Variants in ERBIN observed in about 807,000 individuals in gnomAD.
ERBIN encodes erbb2 interacting protein, also known as densin-180-like protein.
A neutral mutation model predicts 158.4 loss-of-function variants in ERBIN; 60 were observed. That is an observed-to-expected ratio of 0.38 (90% CI 0.31 to 0.47). The LOEUF (loss-of-function observed/expected upper bound fraction) is 0.47. Ranked by LOEUF, ERBIN falls within the 20% of genes least tolerant of loss-of-function variation. The pLI, the probability that ERBIN is intolerant of heterozygous loss-of-function variation, is 0.99. For synonymous variants in ERBIN, 594 were observed against 557.2 expected, an observed-to-expected ratio of 1.07 and a Z score of -0.93; for missense variants, 1,610 against 1,648.0, an observed-to-expected ratio of 0.98 and a Z score of 0.40.
chr5:65,989,453 A>G (rs1439426854), intron 2 of ERBIN, among the ~76,000 whole-genome samples: 3 of 152,286 alleles, frequency 2.0e-5, no homozygotes, highest in African/African-American at 7.2e-5. Flanking sequence ...ATTCACAGAA[A>G]GTTTTCCTTT....
intron 1 of ERBIN, among the ~76,000 whole-genome samples, chr5:65,938,900 C>A (rs1004719898): frequency 1.3e-5 from 2 of 152,022 alleles, no homozygotes; most frequent in African/African-American, 4.8e-5. Context: ...ACTCTTCTGC[C>A]CCTTGAAGGT....
intron 1 of ERBIN, among the ~76,000 whole-genome samples, chr5:65,948,647 G>A (rs963751542): frequency 6.6e-6 from 1 of 151,694 alleles, no homozygotes; most frequent in Admixed American, 6.6e-5. Flanking sequence ...AAACAGTATT[G>A]CTTACATCCC....
At chr5:66,010,987 T>G (rs1302129135) in intron 4 of ERBIN, among the ~76,000 whole-genome samples, 1 of 152,202 alleles carries the variant, frequency 6.6e-6, no homozygotes, top group African/African-American at 2.4e-5. Context: ...GTGTATTTGG[T>G]CCACAACAGA....
chr5:66,021,869 T>C (rs181533444), intron 8 of ERBIN, among the ~76,000 whole-genome samples: 2 of 152,252 alleles, frequency 1.3e-5, no homozygotes, highest in East Asian at 3.9e-4. Context: ...GTGCTTTGTA[T>C]GCCAAGTGCG....
At chr5:65,998,044 G>C (rs1269816871) in intron 4 of ERBIN, among the ~76,000 whole-genome samples, 1 of 151,668 alleles carries the variant, frequency 6.6e-6, no homozygotes, top group Non-Finnish European at 1.5e-5. Flanking sequence ...CCTGGCCAAC[G>C]TGGTGAACCC....
At chr5:66,067,678 A>C (rs1160889638) in intron 21 of ERBIN, among the ~76,000 whole-genome samples, 2 of 152,206 alleles carry the variant, frequency 1.3e-5, no homozygotes, top group Non-Finnish European at 2.9e-5. Flanking sequence ...GTGATCTTTA[A>C]TACCAGTTTA....
chr5:66,000,737 A>T (rs1200138487), intron 4 of ERBIN, among the ~76,000 whole-genome samples: 1 of 152,088 alleles, frequency 6.6e-6, no homozygotes, highest in Non-Finnish European at 1.5e-5. Flanking sequence ...TTTACTTGTT[A>T]CTTGTATTTT....
At chr5:66,061,904 A>G (rs1760418699) in intron 21 of ERBIN, among the ~76,000 whole-genome samples, 1 of 152,204 alleles carries the variant, frequency 6.6e-6, no homozygotes, top group South Asian at 2.1e-4. Flanking sequence ...AGTTTCTGCC[A>G]AGAGATCAGC....
At chr5:65,954,027 T>C (rs1746810257) in intron 1 of ERBIN, among the ~76,000 whole-genome samples, 1 of 151,858 alleles carries the variant, frequency 6.6e-6, no homozygotes, top group Non-Finnish European at 1.5e-5. Flanking sequence ...TCTACTCTCC[T>C]ACCCGCTACC....
At chr5:66,031,822 A>G (rs1035897937) in intron 14 of ERBIN, among the ~76,000 whole-genome samples, 1 of 152,126 alleles carries the variant, frequency 6.6e-6, no homozygotes, top group Non-Finnish European at 1.5e-5. Context: ...ACAGAGCAAG[A>G]TTCTATCTCC....
chr5:66,013,671 AT>A (rs745714538), intron 6 of ERBIN, 33 bp downstream of exon 6: 24 of 1,373,462 alleles, frequency 1.7e-5, no homozygotes, highest in Non-Finnish European at 2.3e-5. Context: ...ACGTTTTATT[AT>A]TAGCTCTTAT....
At chr5:66,023,629 C>T (rs1303308066) in intron 9 of ERBIN, among the ~76,000 whole-genome samples, 1 of 151,572 alleles carries the variant, frequency 6.6e-6, no homozygotes, top group Admixed American at 6.6e-5. Flanking sequence ...ATTTGCTTTG[C>T]CCAAGGAATT....
rs753750805 is a variant in ERBIN at position 66,026,325 on chromosome 5, T to G, written c.1044T>G (p.Thr348=). 1 of 1,591,098 alleles carries G rather than the reference T, an allele frequency of 6.3e-7. No homozygotes were observed. The highest frequency in any genetic ancestry group is 2.3e-5 in the East Asian group (1 of 43,276). The change falls in exon 13 of 26, where the codon ACT becomes ACG. Residue 348 remains threonine (T), a synonymous_variant. Transcript: ENST00000284037. ...AGATTGGAAGCTGGAAAAATATAACTGTGCTGTTTCTCCATTCCAATAAAC... is the reference window on the plus strand; with the variant it reads ...AGATTGGAAGCTGGAAAAATATAACGGTGCTGTTTCTCCATTCCAATAAAC... ...PPEIGSWKNI[T]VLFLHSNKLE... is the part of the protein sequence containing the mutation.
rs749700663 is a variant in ERBIN, at chr5:66,053,719, A to G, written c.2401A>G (p.Lys801Glu). 5 of 1,613,768 alleles carry G rather than the reference A, an allele frequency of 3.1e-6. No homozygotes were observed. In the South Asian group the frequency reaches 4.4e-5, roughly 14 times the overall value. ...LGTSFLSINS[K>E]EETEHLENGN... ...AACAAGCTTTTTAAGCATTAATTCTAAAGAGGAAACTGAGCACTTGGAAAA... is the reference window on the plus strand; with the variant it reads ...AACAAGCTTTTTAAGCATTAATTCTGAAGAGGAAACTGAGCACTTGGAAAA... Residue 801 changes from lysine (K) to glutamate (E), a missense_variant, in exon 21 of 26, where the codon AAA (lysine) becomes GAA (glutamate). Physicochemically the swap from Lys to Glu is moderately conservative, Grantham distance 56. Around this residue, in one of 2 missense-constraint regions of ERBIN, gnomAD observed 1,014 missense variants for 936.1 expected, o/e 1.08. Transcript: ENST00000284037.
intron 14 of ERBIN, among the ~76,000 whole-genome samples, chr5:66,034,851 G>A (rs1481089831): frequency 6.6e-6 from 1 of 152,160 alleles, no homozygotes; most frequent in African/African-American, 2.4e-5. Flanking sequence ...AAAGAATAAT[G>A]CAGCAAAGAG....
At chr5:66,019,135 G>GT (rs1241799147) in intron 7 of ERBIN, among the ~76,000 whole-genome samples, 1 of 152,104 alleles carries the variant, frequency 6.6e-6, no homozygotes, top group Admixed American at 6.6e-5. Flanking sequence ...CATGTTGTCT[G>GT]TGAACAAGAC....
intron 21 of ERBIN, among the ~76,000 whole-genome samples, chr5:66,055,881 T>A (rs961118370): frequency 1.3e-5 from 2 of 152,192 alleles, no homozygotes; most frequent in Non-Finnish European, 2.9e-5. Context: ...TCTCAGCCTA[T>A]AATTGTTCTT....
chr5:65,990,975 C>T (rs555343129), intron 2 of ERBIN, among the ~76,000 whole-genome samples: 3 of 152,054 alleles, frequency 2.0e-5, no homozygotes, highest in Non-Finnish European at 1.5e-5. Flanking sequence ...AGGCTGGTTT[C>T]GAACTCCTGA....
rs1232958611 is a variant in ERBIN, at chr5:66,004,077, A to T, written c.308-7972A>T. 3.3e-5 allele frequency among the ~76,000 whole-genome samples: 5 copies of T among 149,796 alleles called. No homozygotes were observed. In the East Asian group the frequency reaches 5.9e-4, roughly 18 times the overall value. On this transcript the variant is annotated intron_variant, in intron 4 of 25. Coordinates refer to ENST00000284037, the MANE Select transcript of ERBIN (RefSeq NM_001253697.2). ...CTCATCCTCCTGAGTAGCTGGGACT[A>T]CAGGTGTGCACCACCATGCTCGGCT...
Sources: allele counts gnomAD v4.1 joint callset (sites outside exome capture counted in the v4.1 genomes callset), GRCh38; gene constraint gnomAD v4.1.1; regional missense constraint gnomAD v4.1.1; transcripts MANE v1.5; gene names NCBI Gene and HGNC (gene_info 2026-07-23, HGNC 2026-07-21).